FBN2: variants seen among roughly 807,000 people sequenced by gnomAD.
FBN2 encodes the protein fibrillin-2.
Under a neutral mutation model 355.6 loss-of-function variants are expected in FBN2, and 105 were observed. That is an observed-to-expected ratio of 0.30 (90% CI 0.25 to 0.35). The LOEUF (loss-of-function observed/expected upper bound fraction) is 0.35, where lower values mean the gene tolerates loss of function less well. FBN2 is among the 10% of genes least tolerant of loss of function. FBN2 has a pLI of 1.00. For synonymous variants in FBN2, 1,350 were observed against 1,301.2 expected, an observed-to-expected ratio of 1.04 and a Z score of -0.81; for missense variants, 3,280 against 3,758.7, an observed-to-expected ratio of 0.87 and a Z score of 3.33.
intron 32 of FBN2, among the ~76,000 whole-genome samples, chr5:128,332,280 C>T (rs985175675): frequency 2.6e-5 from 4 of 152,106 alleles, no homozygotes; most frequent in Non-Finnish European, 5.9e-5. Context: ...TGGAAAAATG[C>T]TTTATTGTAA....
At chr5:128,464,047 C>T (rs1005924494) in intron 6 of FBN2, among the ~76,000 whole-genome samples, 7 of 152,076 alleles carry the variant, frequency 4.6e-5, no homozygotes, top group African/African-American at 9.7e-5. Context: ...GTAAGAATTG[C>T]GGCAGCTGAA....
intron 7 of FBN2, among the ~76,000 whole-genome samples, chr5:128,443,652 T>G (rs1753981454): frequency 6.6e-6 from 1 of 152,222 alleles, no homozygotes; most frequent in Non-Finnish European, 1.5e-5. Flanking sequence ...GAACTTACTT[T>G]TCTTATTTCT....
intron 55 of FBN2, among the ~76,000 whole-genome samples, chr5:128,281,374 G>A (rs768817093): frequency 1.3e-4 from 20 of 152,136 alleles, no homozygotes; most frequent in Non-Finnish European, 2.5e-4. Context: ...TCTTACAGTG[G>A]AAACCACTGA....
intron 6 of FBN2, among the ~76,000 whole-genome samples, chr5:128,463,105 A>C (rs556120198): frequency 6.6e-6 from 1 of 152,262 alleles, no homozygotes; most frequent in East Asian, 1.9e-4. Context: ...TAAACTAGTA[A>C]ATCAATATAG....
At position 128,338,264 on chromosome 5, in the gene FBN2, T is replaced by A. The variant is rs1750899962; in HGVS notation, c.3473-142A>T. The A allele has an allele frequency of 6.0e-6, 5 of 836,246 alleles. No individual in the cohort carries two copies. In the South Asian group the frequency reaches 7.4e-5, roughly 12 times the overall value. 51.8% of individuals were successfully genotyped at this position (836,246 alleles called of 1,614,324 possible). On this transcript the variant is annotated intron_variant, in intron 26 of 64. Transcript: ENST00000262464. ...GCTTCATAGGAGATGGGATAACGCT[T>A]TCCTCACTTTTCCTACGACCAACAG... is the stretch of plus-strand genomic sequence containing the variant.
chr5:128,442,725 G>A (rs902593086), intron 7 of FBN2, among the ~76,000 whole-genome samples: 1 of 151,866 alleles, frequency 6.6e-6, no homozygotes, highest in East Asian at 1.9e-4. Flanking sequence ...GATAATAACT[G>A]GTTCTCCTTA....
At chr5:128,264,418 C>G (rs1765065579) in intron 62 of FBN2, among the ~76,000 whole-genome samples, 1 of 152,216 alleles carries the variant, frequency 6.6e-6, no homozygotes, top group African/African-American at 2.4e-5. Context: ...ATCCAGCCAT[C>G]AGCCAGCTAT....
intron 7 of FBN2, among the ~76,000 whole-genome samples, chr5:128,421,312 G>T (rs953809155): frequency 6.6e-6 from 1 of 152,134 alleles, no homozygotes; most frequent in Non-Finnish European, 1.5e-5. Context: ...CGTAGAAATG[G>T]GTCAGGGACA....
At chr5:128,422,886 T>C (rs947784572) in intron 7 of FBN2, among the ~76,000 whole-genome samples, 1 of 151,994 alleles carries the variant, frequency 6.6e-6, no homozygotes, top group Admixed American at 6.6e-5. Flanking sequence ...CACTGACAGA[T>C]GACATATAAA....
chr5:128,383,839 A>G (rs1230904144), intron 11 of FBN2, among the ~76,000 whole-genome samples: 1 of 152,046 alleles, frequency 6.6e-6, no homozygotes, highest in Non-Finnish European at 1.5e-5. Context: ...AGTAACTGAT[A>G]CTCTCATACA....
At position 128,397,756 on chromosome 5, in the gene FBN2, T is replaced by C. The variant is rs1752686057; in HGVS notation, c.1079-2482A>G. ...GAGGTGAAATGAGAATCTTAGGAGGTATTTGAACAACTAATTTCACCTTTA... is the reference window on the plus strand; with the variant it reads ...GAGGTGAAATGAGAATCTTAGGAGGCATTTGAACAACTAATTTCACCTTTA... On this transcript the variant is annotated intron_variant, in intron 8 of 64. Transcript: ENST00000262464. Among the ~76,000 whole-genome samples, 4 of 152,036 alleles carry C rather than the reference T, an allele frequency of 2.6e-5. No individual in the cohort carries two copies. In the South Asian group the frequency reaches 8.3e-4, roughly 32 times the overall value.
intron 36 of FBN2, among the ~76,000 whole-genome samples, chr5:128,314,545 T>C (rs1311419934): frequency 1.3e-5 from 2 of 152,106 alleles, no homozygotes; most frequent in Non-Finnish European, 2.9e-5. Context: ...CTTGATCTTT[T>C]GACCTTGTGA....
At chr5:128,415,116 C>T (rs1753161913) in intron 7 of FBN2, among the ~76,000 whole-genome samples, 1 of 152,082 alleles carries the variant, frequency 6.6e-6, no homozygotes, top group South Asian at 2.1e-4. Flanking sequence ...GGACACATGG[C>T]ATTTAGTTAC....
chr5:128,355,149 G>A (rs143632778), intron 20 of FBN2, among the ~76,000 whole-genome samples: 1 of 152,326 alleles, frequency 6.6e-6, no homozygotes, highest in East Asian at 1.9e-4. Context: ...AATTTCTTGA[G>A]AAAGAATGAT....
chr5:128,415,909 TGAC>T (rs1457620688), intron 7 of FBN2, among the ~76,000 whole-genome samples: 2 of 152,222 alleles, frequency 1.3e-5, no homozygotes, highest in African/African-American at 4.8e-5. Context: ...TGGAATAAGA[TGAC>T]ATCTCATTGT....
chr5:128,397,354 A>C (rs1447436718), intron 8 of FBN2, among the ~76,000 whole-genome samples: 2 of 152,218 alleles, frequency 1.3e-5, no homozygotes, highest in Admixed American at 1.3e-4. Flanking sequence ...AACGTTATAA[A>C]ACACAATCAG....
In FBN2 at chr5:128,393,189, C is replaced by G. The variant is rs138046782; in HGVS notation, c.1411G>C (p.Val471Leu). The G allele has an allele frequency of 2.5e-6, 4 of 1,614,194 alleles. No homozygotes were observed. The highest frequency in any genetic ancestry group is 3.4e-6 in the Non-Finnish European group (4 of 1,180,028). ...IPGGNGFSPG[V>L]GGAGVGAGGQ... ...CCGGCCCCCACACCGGCTCCCCCAA[C>G]GCCAGGAGAAAAGCCATTGCCTCCA... The change falls in exon 10 of 65, where the codon GTT (valine) becomes CTT (leucine). Residue 471 changes from valine to leucine, a missense_variant. Transcript: ENST00000262464.
At chr5:128,402,964 C>T (rs1400027754) in intron 8 of FBN2, among the ~76,000 whole-genome samples, 2 of 152,332 alleles carry the variant, frequency 1.3e-5, no homozygotes, top group African/African-American at 4.8e-5. Flanking sequence ...CGGGCTTCTT[C>T]CTCACTGTAA....
At position 128,301,467 on chromosome 5, in the gene FBN2, A is replaced by G. The variant is rs777896650; in HGVS notation, c.5961T>C (p.Asn1987=). The G allele has an allele frequency of 3.1e-6, 5 of 1,613,526 alleles. No homozygotes were observed. Among genetic ancestry groups the G allele is most frequent in the Middle Eastern group, 1.7e-4 (1 of 6,058 alleles). The part of the protein sequence containing the change: ...CSSFFGQVCR[N]GRCFNEIGSF... ...AACCAATTTCATTAAAACAACGTCC[A>G]TTTCTGCACACCTGACCAAAAAAGG... The change falls in exon 47 of 65, where the codon AAT becomes AAC. Residue 1987 remains asparagine (N), a synonymous_variant. Coordinates refer to ENST00000262464, the MANE Select transcript of FBN2 (RefSeq NM_001999.4).
Sources: allele counts gnomAD v4.1 joint callset (sites outside exome capture counted in the v4.1 genomes callset), GRCh38; gene constraint gnomAD v4.1.1; transcripts MANE v1.5; gene names NCBI Gene and HGNC (gene_info 2026-07-23, HGNC 2026-07-21).